SMPD3: variants seen among roughly 807,000 people sequenced by gnomAD.
The protein encoded by SMPD3 is nSMase-2.
In SMPD3, 21 loss-of-function variants were observed where a neutral mutation model predicts 55.7. The ratio of observed to expected loss-of-function variants is 0.38; its 90% confidence interval spans 0.27 to 0.54. The LOEUF (loss-of-function observed/expected upper bound fraction) is 0.54, where lower values mean the gene tolerates loss of function less well. SMPD3 is among the 20% of genes least tolerant of loss of function. SMPD3 has a pLI of 0.80. For missense variants in SMPD3, 842 were observed against 899.6 expected (o/e 0.94, Z 0.82); for synonymous variants, 457 against 404.3 (o/e 1.13, Z -1.56).
intron 2 of SMPD3, among the ~76,000 whole-genome samples, chr16:68,379,819 T>C (rs2089907224): frequency 6.6e-6 from 1 of 152,220 alleles, no homozygotes; most frequent in African/African-American, 2.4e-5. Flanking sequence ...GGGCACTCCT[T>C]CAACCAGCCA....
At chr16:68,421,531 C>A (rs982613026) in intron 1 of SMPD3, among the ~76,000 whole-genome samples, 2 of 152,200 alleles carry the variant, frequency 1.3e-5, no homozygotes, top group Non-Finnish European at 2.9e-5. Flanking sequence ...TTATGACCAA[C>A]CTGGCAGTGT....
intron 1 of SMPD3, among the ~76,000 whole-genome samples, chr16:68,408,465 T>TATTTAGAAAAGAAAAGATTG (rs2090270350): frequency 3.9e-5 from 6 of 152,206 alleles, no homozygotes; most frequent in Admixed American, 3.9e-4. Context: ...ATTTTAAGAA[T>TATTTAGAAAAGAAAAGATTG]ATTTAGAAAA....
intron 1 of SMPD3, among the ~76,000 whole-genome samples, chr16:68,390,532 A>G (rs1475527639): frequency 6.6e-6 from 1 of 152,168 alleles, no homozygotes; most frequent in East Asian, 1.9e-4. Context: ...GTGGTGGTGC[A>G]TGCCTGTAGT....
chr16:68,403,667 T>C (rs1286120264), intron 1 of SMPD3, among the ~76,000 whole-genome samples: 3 of 152,250 alleles, frequency 2.0e-5, no homozygotes, highest in African/African-American at 7.2e-5. Flanking sequence ...TTTCCTAGCC[T>C]AATCCTTTAT....
chr16:68,383,070 C>T (rs1597628388), intron 2 of SMPD3, among the ~76,000 whole-genome samples: 2 of 152,172 alleles, frequency 1.3e-5, no homozygotes, highest in East Asian at 3.9e-4. Context: ...AATTCCTGAC[C>T]CCAGGTGATC....
intron 1 of SMPD3, among the ~76,000 whole-genome samples, chr16:68,432,179 G>T (rs2090485918): frequency 6.6e-6 from 1 of 152,088 alleles, no homozygotes; most frequent in African/African-American, 2.4e-5. Flanking sequence ...TTTATGGTAG[G>T]TATTATTTTC....
In SMPD3 at chr16:68,371,477, G is replaced by C; in HGVS notation, c.705C>G (p.Asp235Glu). The change falls in exon 3 of 9, where the codon GAC becomes GAG. Residue 235 changes from aspartate (D) to glutamate (E), a missense_variant. Transcript: ENST00000219334. The part of the protein sequence containing the change: ...ANGPASGDPV[D>E]SSSPEDACIV... ...TGCAGGCATCCTCCGGGCTGCTGCT[G>C]TCGACAGGGTCCCCAGAGGCTGGGC... 1 of 1,598,356 alleles carries C rather than the reference G, an allele frequency of 6.3e-7. No individual in the cohort carries two copies. Among genetic ancestry groups the C allele is most frequent in the East Asian group, 2.2e-5 (1 of 44,870 alleles).
chr16:68,416,731 T>C (rs1000472237), intron 1 of SMPD3, among the ~76,000 whole-genome samples: 1 of 152,098 alleles, frequency 6.6e-6, no homozygotes, highest in African/African-American at 2.4e-5. Flanking sequence ...AGGCTGAAGT[T>C]GTTGTCACCC....
intron 1 of SMPD3, among the ~76,000 whole-genome samples, chr16:68,402,530 G>T (rs551556504): frequency 2.0e-4 from 30 of 152,262 alleles, no homozygotes; most frequent in African/African-American, 7.0e-4. Flanking sequence ...GGTCTGTTTG[G>T]TAGTGATTTG....
At chr16:68,373,424 G>A (rs2089726683) in intron 2 of SMPD3, among the ~76,000 whole-genome samples, 2 of 152,250 alleles carry the variant, frequency 1.3e-5, no homozygotes, top group African/African-American at 4.8e-5. Flanking sequence ...GCCTATAGAA[G>A]CGTAACCCAG....
intron 3 of SMPD3, among the ~76,000 whole-genome samples, chr16:68,366,601 C>CA (rs2089486423): frequency 6.6e-6 from 1 of 152,262 alleles, no homozygotes; most frequent in Non-Finnish European, 1.5e-5. Flanking sequence ...CACGGTGGCT[C>CA]ACGCCTGTAA....
chr16:68,362,843 A>C (rs986759855), intron 7 of SMPD3, among the ~76,000 whole-genome samples: 11 of 152,364 alleles, frequency 7.2e-5, no homozygotes, highest in African/African-American at 2.6e-4. Context: ...TCATAAAAAG[A>C]ATTTTCTCAG....
At chr16:68,403,083 A>G (rs74024644) in intron 1 of SMPD3, among the ~76,000 whole-genome samples, 2,335 of 152,300 alleles carry the variant, frequency 0.015, 60 homozygotes, top group African/African-American at 0.053. Context: ...CTCTGATTTT[A>G]GATGTGATGT....
chr16:68,361,389 G>C, intron 8 of SMPD3, 82 bp from the exon 9 acceptor site: 1 of 1,468,062 alleles, frequency 6.8e-7, no homozygotes, highest in Non-Finnish European at 9.3e-7. Context: ...GATCCCCAAA[G>C]TGAGGCCCCG....
intron 2 of SMPD3, among the ~76,000 whole-genome samples, chr16:68,376,234 G>A (rs1195950404): frequency 6.6e-6 from 1 of 152,250 alleles, no homozygotes; most frequent in Non-Finnish European, 1.5e-5. Context: ...TCAGAGAGGT[G>A]GCCAAGGCAG....
intron 2 of SMPD3, among the ~76,000 whole-genome samples, chr16:68,383,808 C>A (rs2151998685): frequency 6.6e-6 from 1 of 152,308 alleles, no homozygotes; most frequent in Admixed American, 6.5e-5. Flanking sequence ...TCCCCACATA[C>A]AATTCTGTCT....
At chr16:68,388,644 A>C (rs2090083288) in intron 1 of SMPD3, among the ~76,000 whole-genome samples, 1 of 140,578 alleles carries the variant, frequency 7.1e-6, no homozygotes, top group African/African-American at 2.7e-5. Context: ...CCCACTCTCC[A>C]CCCCACTCCC....
In SMPD3 at chr16:68,363,853, C is replaced by T. The variant is rs1436252112; in HGVS notation, c.1569G>A (p.Glu523=). Residue 523 remains glutamate, a synonymous_variant, in exon 6 of 9, where the codon GAG becomes GAA. Transcript: ENST00000219334. ...FDNCSSDDKL[E]QQHSLFTHYR... ...AGTGGGTGAACAGGGAGTGTTGCTGCTCCAGCTTGTCGTCTGTGCGGGGAG... is the reference window on the plus strand; with the variant it reads ...AGTGGGTGAACAGGGAGTGTTGCTGTTCCAGCTTGTCGTCTGTGCGGGGAG... The T allele has an allele frequency of 6.4e-7, 1 of 1,565,532 alleles. No homozygotes were observed. Among genetic ancestry groups the T allele is most frequent in the Non-Finnish European group, 8.7e-7 (1 of 1,154,934 alleles).
intron 1 of SMPD3, among the ~76,000 whole-genome samples, chr16:68,437,220 C>T (rs1567811228): frequency 6.6e-6 from 1 of 152,272 alleles, no homozygotes; most frequent in East Asian, 1.9e-4. Context: ...GGCGTGAATA[C>T]TTGGTCCTGG....
Sources: allele counts gnomAD v4.1 joint callset (sites outside exome capture counted in the v4.1 genomes callset), GRCh38; gene constraint gnomAD v4.1.1; transcripts MANE v1.5; gene names NCBI Gene and HGNC (gene_info 2026-07-23, HGNC 2026-07-21).